Variants in PCM1 observed in about 807,000 individuals in gnomAD.
PCM1 encodes pericentriolar material 1 protein.
In PCM1, 157 loss-of-function variants were observed where a neutral mutation model predicts 241.9. That is an observed-to-expected ratio of 0.65 (90% CI 0.57 to 0.74). PCM1 has a LOEUF of 0.74. PCM1 is among the 30% of genes least tolerant of loss of function. PCM1 has a pLI of 0.00. For missense variants in PCM1, 3,478 were observed against 2,360.1 expected, an observed-to-expected ratio of 1.47 and a Z score of -9.81; for synonymous variants, 1,085 against 784.9, an observed-to-expected ratio of 1.38 and a Z score of -6.39.
intron 2 of PCM1, among the ~76,000 whole-genome samples, chr8:17,932,460 G>A (rs1470222357): frequency 6.6e-6 from 1 of 152,024 alleles, no homozygotes; most frequent in Non-Finnish European, 1.5e-5. Context: ...TAATTTATAT[G>A]AAAGTTAGCA....
chr8:17,947,347 A>AGTGATG lies in PCM1; in HGVS notation c.947_952dup (p.Val316_Met317dup), dbSNP rs780635142. 2.5e-6 allele frequency: 4 copies of AGTGATG among 1,596,528 alleles called. No individual in the cohort carries two copies. The South Asian group carries it at 3.4e-5, about 14-fold the overall frequency. On this transcript the variant is annotated inframe_insertion, in exon 7 of 39. Coordinates refer to ENST00000325083, the MANE Select transcript of PCM1 (RefSeq NM_006197.4). ...AACATAAAGCAGAGCAAGCTATTGC[A>AGTGATG]GTGATGGATGATTCTGGTATGTCAC...
chr8:17,964,562 C>G lies in PCM1; in HGVS notation c.2655-6C>G. On this transcript the variant is annotated splice_region_variant and splice_polypyrimidine_tract_variant and intron_variant, in intron 17 of 38. Transcript: ENST00000325083. ...TGACATCTGTTTTATGTCTCTTAATCACTAGAACGATGGCAACTTGGGGAG... is the reference window on the plus strand; with the variant it reads ...TGACATCTGTTTTATGTCTCTTAATGACTAGAACGATGGCAACTTGGGGAG... The G allele has an allele frequency of 6.2e-7, 1 of 1,610,072 alleles. No homozygotes were observed. Among genetic ancestry groups the G allele is most frequent in the East Asian group, 2.2e-5 (1 of 44,818 alleles).
chr8:17,924,886 G>C (rs554624741), intron 2 of PCM1, 106 bp downstream of exon 2: 1 of 152,328 alleles, frequency 6.6e-6, no homozygotes, highest in Admixed American at 6.5e-5. Context: ...GATCCTCTCT[G>C]CTTAGTAAAC....
At chr8:17,946,006 G>A (rs377286836) in intron 6 of PCM1, among the ~76,000 whole-genome samples, 164 of 152,002 alleles carry the variant, frequency 1.1e-3, no homozygotes, top group African/African-American at 3.9e-3. Flanking sequence ...ATACAATTAC[G>A]GTATACGTTT....
chr8:17,967,254 CA>C (rs1423906972), intron 21 of PCM1, 84 bp downstream of exon 21: 1 of 944,756 alleles, frequency 1.1e-6, no homozygotes, highest in Non-Finnish European at 1.5e-6. Context: ...GATGTTTTAA[CA>C]TTTTCTTTTG....
At chr8:17,973,204 G>T (rs1462701116) in intron 23 of PCM1, among the ~76,000 whole-genome samples, 1 of 152,000 alleles carries the variant, frequency 6.6e-6, no homozygotes, top group Non-Finnish European at 1.5e-5. Flanking sequence ...TATTAAAGTT[G>T]TTTAAAAAAT....
chr8:17,953,229 A>C, intron 9 of PCM1, 43 bp downstream of exon 9: 3 of 992,690 alleles, frequency 3.0e-6, no homozygotes, highest in Non-Finnish European at 4.6e-6. Flanking sequence ...AAGACACACA[A>C]GTATATATAC....
At chr8:18,015,292 C>G (rs1392769088) in intron 36 of PCM1, among the ~76,000 whole-genome samples, 3 of 150,508 alleles carry the variant, frequency 2.0e-5, no homozygotes, top group African/African-American at 4.9e-5. Flanking sequence ...CATGATAGTA[C>G]TTACTAAATG....
At chr8:17,955,930 G>C (rs567867725) in intron 10 of PCM1, 17 of 423,744 alleles carry the variant, frequency 4.0e-5, no homozygotes, top group African/African-American at 2.8e-4. Flanking sequence ...TCTATATTCA[G>C]ATGGTTTAGA....
rs562878020 is a variant in PCM1, at chr8:17,964,499, A to G, written c.2655-69A>G. On this transcript the variant is annotated intron_variant, in intron 17 of 38. Coordinates refer to ENST00000325083, the MANE Select transcript of PCM1 (RefSeq NM_006197.4). ...ATGTATGTTTGAAACAATGTCTGGC[A>G]CATAGTAGGTGGCAGAGTATTTAAC... 121 of 1,155,084 alleles carry G rather than the reference A, an allele frequency of 1.0e-4. 2 individuals carry two copies. Among genetic ancestry groups the G allele is most frequent in the South Asian group, 7.6e-4 (51 of 66,856 alleles). The allele number at this position is 1,155,084 out of a possible 1,614,324, so 71.6% of individuals were successfully genotyped here. A position where few individuals can be genotyped will look rare whatever the true frequency, so the allele number is the denominator to read the frequency against.
chr8:17,967,561 G>C (rs1366717861), intron 21 of PCM1, among the ~76,000 whole-genome samples: 2 of 152,196 alleles, frequency 1.3e-5, no homozygotes, highest in Non-Finnish European at 2.9e-5. Flanking sequence ...ACCTGCCTTG[G>C]CCTCCCATGG....
intron 18 of PCM1, 98 bp from the exon 19 acceptor site, chr8:17,965,899 CAG>C (rs1400156437): frequency 7.0e-6 from 5 of 717,448 alleles, no homozygotes; most frequent in African/African-American, 3.6e-5. Flanking sequence ...TAATTTAAAA[CAG>C]AATATTGGCC....
At chr8:17,974,737 C>T (rs1326553568) in intron 23 of PCM1, among the ~76,000 whole-genome samples, 6 of 152,154 alleles carry the variant, frequency 3.9e-5, no homozygotes, top group East Asian at 1.9e-4. Context: ...GATTGACATT[C>T]TGATCTTTGT....
chr8:17,965,005 T>C (rs1359793756), intron 18 of PCM1, among the ~76,000 whole-genome samples: 1 of 152,206 alleles, frequency 6.6e-6, no homozygotes, highest in African/African-American at 2.4e-5. Context: ...CCCACACTTC[T>C]GTGCAACATG....
At chr8:17,962,502 C>T (rs1367356726) in intron 16 of PCM1, among the ~76,000 whole-genome samples, 1 of 152,064 alleles carries the variant, frequency 6.6e-6, no homozygotes, top group East Asian at 1.9e-4. Flanking sequence ...AAATAGTAAT[C>T]ATTTCAGTTA....
intron 36 of PCM1, among the ~76,000 whole-genome samples, chr8:18,021,854 C>G (rs1221507254): frequency 1.3e-5 from 2 of 152,170 alleles, no homozygotes; most frequent in African/African-American, 4.8e-5. Flanking sequence ...TACCAGAACC[C>G]CATGTATCAC....
intron 33 of PCM1, 126 bp from the exon 34 acceptor site, chr8:18,011,541 C>G (rs1050346973): frequency 1.2e-5 from 13 of 1,087,936 alleles, no homozygotes; most frequent in Non-Finnish European, 1.5e-5. Flanking sequence ...GTTTTTAATA[C>G]ATTCTGTTTG....
chr8:18,015,239 T>C (rs2093014903), intron 36 of PCM1, among the ~76,000 whole-genome samples: 1 of 133,822 alleles, frequency 7.5e-6, no homozygotes, highest in African/African-American at 2.8e-5. Context: ...AGAATCTTTA[T>C]ACAGTGAATG....
intron 36 of PCM1, among the ~76,000 whole-genome samples, chr8:18,020,026 G>C (rs2093633010): frequency 6.6e-6 from 1 of 152,152 alleles, no homozygotes; most frequent in African/African-American, 2.4e-5. Context: ...CCCCTTGCCT[G>C]AATTTAGAAA....
Sources: gnomAD v4.1 joint callset for allele counts (sites outside exome capture counted in the v4.1 genomes callset) on GRCh38, gnomAD v4.1.1 for gene constraint, MANE v1.5 for transcripts, NCBI Gene and HGNC (gene_info 2026-07-23, HGNC 2026-07-21) for gene names.